KDM2B: variants seen among roughly 807,000 people sequenced by gnomAD.
KDM2B encodes the protein lysine demethylase 2B.
A neutral mutation model predicts 150.0 loss-of-function variants in KDM2B; 26 were observed. That is an observed-to-expected ratio of 0.17 (90% CI 0.13 to 0.24). The LOEUF (loss-of-function observed/expected upper bound fraction) is 0.24. Among genes scored for constraint, KDM2B ranks in the 10% least tolerant of loss-of-function variants. KDM2B has a pLI of 1.00. For synonymous variants in KDM2B, 734 were observed against 729.5 expected, an observed-to-expected ratio of 1.01 and a Z score of -0.10; for missense variants, 1,265 against 1,816.9, an observed-to-expected ratio of 0.70 and a Z score of 5.52.
chr12:121,573,453 T>C (rs1363131771), intron 4 of KDM2B, among the ~76,000 whole-genome samples: 1 of 151,914 alleles, frequency 6.6e-6, no homozygotes, highest in Non-Finnish European at 1.5e-5. Flanking sequence ...CAGCTAATTT[T>C]TTGTAGAGAG....
rs553447851 is a variant in KDM2B, at chr12:121,491,676, C to A, written c.1734+2903G>T. Among the ~76,000 whole-genome samples, 7 of 151,862 alleles carry A rather than the reference C, an allele frequency of 4.6e-5. No individual in the cohort carries two copies. The South Asian group carries it at 1.5e-3, about 32-fold the overall frequency. ...GGGCGTGGTGGTACGCGCCTGTAAT[C>A]CCAGCTATTCGGGAGGCTGAGGCAA... is the stretch of plus-strand genomic sequence containing the variant. On this transcript the variant is annotated intron_variant, in intron 12 of 22. Transcript: ENST00000377071.
the KDM2B span, chr12:121,416,140 G>T: frequency 2.7e-5 from 44 of 1,606,714 alleles, no homozygotes; most frequent in Non-Finnish European, 3.6e-5. Context: ...TAAACTGTGG[G>T]ATTTGTGTTC....
intron 22 of KDM2B, among the ~76,000 whole-genome samples, chr12:121,439,437 G>A (rs1555287585): frequency 7.1e-6 from 1 of 141,364 alleles, no homozygotes; most frequent in East Asian, 2.1e-4. Flanking sequence ...CTGGAGTGCA[G>A]TGGCGCCATC....
At chr12:121,486,964 C>A (rs1593917037) in intron 12 of KDM2B, among the ~76,000 whole-genome samples, 1 of 132,176 alleles carries the variant, frequency 7.6e-6, no homozygotes, top group African/African-American at 2.7e-5. Flanking sequence ...CATAGTGAGA[C>A]CCCCCCGATA....
chr12:121,576,402 C>G (rs1555316867), intron 2 of KDM2B, among the ~76,000 whole-genome samples: 8 of 152,106 alleles, frequency 5.3e-5, no homozygotes. Flanking sequence ...GCCGGTTTCC[C>G]TGGAAACTGT....
the KDM2B span, among the ~76,000 whole-genome samples, chr12:121,412,534 C>T: frequency 2.6e-5 from 4 of 151,886 alleles, 1 homozygote; most frequent in African/African-American, 9.7e-5. Flanking sequence ...TGAGCCACCA[C>T]GCCTGGCCTA....
intron 13 of KDM2B, among the ~76,000 whole-genome samples, chr12:121,449,049 G>C (rs1876772574): frequency 6.6e-6 from 1 of 152,176 alleles, no homozygotes; most frequent in South Asian, 2.1e-4. Flanking sequence ...TGCAGCGGGG[G>C]GCACAGGGTG....
intron 8 of KDM2B, among the ~76,000 whole-genome samples, chr12:121,529,709 C>T (rs1887463127): frequency 6.6e-6 from 1 of 151,784 alleles, no homozygotes; most frequent in Non-Finnish European, 1.5e-5. Flanking sequence ...GCGGGTGGAT[C>T]ACTTGACCCT....
chr12:121,494,340 C>T, intron 12 of KDM2B: 1 of 451,662 alleles, frequency 2.2e-6, no homozygotes. Context: ...GAGGTGTCAG[C>T]ACCCCCCAGT....
At position 121,442,817 on chromosome 12, in the gene KDM2B, G is replaced by A. The variant is rs372415525; in HGVS notation, c.2624C>T (p.Ala875Val). 4.1e-5 allele frequency: 63 copies of A among 1,523,714 alleles called. No individual in the cohort carries two copies. The African/African-American group carries it at 8.4e-4, about 20-fold the overall frequency. 94.4% of individuals were successfully genotyped at this position (1,523,714 alleles called of 1,614,324 possible). A position where few individuals can be genotyped will look rare whatever the true frequency, so the allele number is the denominator to read the frequency against. Residue 875 changes from alanine (A) to valine (V), a missense_variant, in exon 19 of 23, where the codon GCC (alanine) becomes GTC (valine). This residue lies in a region of KDM2B where 418 missense variants were observed against 402.4 expected (regional missense o/e 1.04). Transcript: ENST00000377071. The surrounding 1 kb of genome is among the most constrained non-coding windows in gnomAD (Gnocchi z 7.7). The stretch of plus-strand genomic sequence containing the variant: ...GTTGGCCAGCGCCATGCGGTCCTCG[G>A]CGTTCTTCCAGGACCGCCGCTGAGG... The part of the protein sequence containing the change: ...FRKKRRSWKN[A>V]EDRMALANKP...
At chr12:121,414,147 C>A in the KDM2B span, among the ~76,000 whole-genome samples, 39 of 152,066 alleles carry the variant, frequency 2.6e-4, no homozygotes, top group African/African-American at 9.2e-4. Flanking sequence ...GACAAACAGT[C>A]CAGCATTTTA....
At chr12:121,461,273 G>C (rs748367841) in intron 12 of KDM2B, among the ~76,000 whole-genome samples, 1 of 152,190 alleles carries the variant, frequency 6.6e-6, no homozygotes, top group Non-Finnish European at 1.5e-5. Flanking sequence ...CAAATAGCTC[G>C]ACACAGCTGC....
upstream of KDM2B, among the ~76,000 whole-genome samples, chr12:121,581,606 T>C (rs186464064): frequency 1.3e-5 from 2 of 152,276 alleles, no homozygotes; most frequent in African/African-American, 4.8e-5. Flanking sequence ...TAAAATGACA[T>C]GGCAAGAGGG....
the KDM2B span, among the ~76,000 whole-genome samples, chr12:121,419,259 G>A: frequency 6.6e-6 from 1 of 152,164 alleles, no homozygotes; most frequent in African/African-American, 2.4e-5. Flanking sequence ...GTACGGCTTC[G>A]TAGCCGGCCA....
rs931295524 is a variant in KDM2B, at chr12:121,452,433, G to A, written c.1959+687C>T. On this transcript the variant is annotated intron_variant, in intron 13 of 22. Coordinates refer to ENST00000377071, the MANE Select transcript of KDM2B (RefSeq NM_032590.5). The surrounding 1 kb of genome is among the most constrained non-coding windows in gnomAD (Gnocchi z 4.4). ...GCCTGCAGATGAGCGCACCAGGGCCGAGGAATCCCGTCCCTCCAGCCGAGC... is the reference window on the plus strand; with the variant it reads ...GCCTGCAGATGAGCGCACCAGGGCCAAGGAATCCCGTCCCTCCAGCCGAGC... Among the ~76,000 whole-genome samples, 20 of 152,364 alleles carry A rather than the reference G, an allele frequency of 1.3e-4. No individual in the cohort carries two copies. The highest frequency in any genetic ancestry group is 6.5e-4 in the Admixed American group (10 of 15,310).
At chr12:121,412,201 A>C in the KDM2B span, among the ~76,000 whole-genome samples, 2 of 142,120 alleles carry the variant, frequency 1.4e-5, no homozygotes, top group Non-Finnish European at 3.0e-5. Context: ...AGCTGGGACT[A>C]CAGGCACGTG....
intron 12 of KDM2B, among the ~76,000 whole-genome samples, chr12:121,458,901 C>G (rs1222381360): frequency 1.3e-5 from 2 of 151,768 alleles, no homozygotes; most frequent in African/African-American, 4.8e-5. Flanking sequence ...TCCTGCTCAA[C>G]CTGGTGAAAC....
At chr12:121,516,940 T>C in intron 9 of KDM2B, 1 of 633,784 alleles carries the variant, frequency 1.6e-6, no homozygotes, top group South Asian at 1.8e-5. Context: ...GGAAGGTAAA[T>C]TATTTGCAAT....
intron 10 of KDM2B, among the ~76,000 whole-genome samples, chr12:121,510,888 C>G (rs1451499970): frequency 6.6e-6 from 1 of 151,852 alleles, no homozygotes; most frequent in Non-Finnish European, 1.5e-5. Flanking sequence ...AGTGAAATGT[C>G]CCAGGCAGGG....
Sources: allele counts gnomAD v4.1 joint callset (sites outside exome capture counted in the v4.1 genomes callset), GRCh38; gene constraint gnomAD v4.1.1; regional missense constraint gnomAD v4.1.1; non-coding constraint Gnocchi (gnomAD v3.1); transcripts MANE v1.5; gene names NCBI Gene and HGNC (gene_info 2026-07-23, HGNC 2026-07-21).